The following TAF3 variants were observed in gnomAD, a reference collection of about 807,000 sequenced individuals.
TAF3 encodes TATA-box binding protein associated factor 3.
Under a neutral mutation model 80.6 loss-of-function variants are expected in TAF3, and 7 were observed. That is an observed-to-expected ratio of 0.09 (90% CI 0.05 to 0.16). The LOEUF (loss-of-function observed/expected upper bound fraction) is 0.16, where lower values mean the gene tolerates loss of function less well. Ranked by LOEUF, TAF3 falls within the 10% of genes least tolerant of loss-of-function variation. TAF3 has a pLI of 1.00. For missense variants in TAF3, 921 were observed against 1,140.2 expected, an observed-to-expected ratio of 0.81 and a Z score of 2.77; for synonymous variants, 444 against 446.1, an observed-to-expected ratio of 1.00 and a Z score of 0.06.
rs368355881 is a variant in TAF3 at position 7,954,419 on chromosome 10, C to T, written c.410-9501C>T. Among the ~76,000 whole-genome samples, 241 of 97,484 alleles carry T rather than the reference C, an allele frequency of 2.5e-3. 5 individuals carry two copies. The highest frequency in any genetic ancestry group is 0.011 in the Middle Eastern group (1 of 88). The allele number at this position is 97,484 out of a possible 152,430, so 64.0% of individuals were successfully genotyped here. On this transcript the variant is annotated intron_variant, in intron 2 of 6. Transcript: ENST00000344293. The stretch of plus-strand genomic sequence containing the variant: ...ATGAGTGAATTAGTTCTAGTTAACA[C>T]GAGCTCTCCATAGTGAGATTTAGAG...
Position 7,939,087 on chromosome 10 carries a change from A to G in TAF3, c.410-24833A>G, listed in dbSNP as rs114495065. ...ATGATTGCTCTCCAAGAGTTCAGAA[A>G]CAGGGGTCATCAGGAACTCCAGAAG... is the stretch of plus-strand genomic sequence containing the variant. On this transcript the variant is annotated intron_variant, in intron 2 of 6. Coordinates refer to ENST00000344293, the MANE Select transcript of TAF3 (RefSeq NM_031923.4). 4.9e-3 allele frequency among the ~76,000 whole-genome samples: 752 copies of G among 152,360 alleles called. 5 individuals are homozygous for G. Among genetic ancestry groups the G allele is most frequent in the African/African-American group, 0.016 (686 of 41,590 alleles).
intron 2 of TAF3, chr10:7,833,500 G>A (rs955327937): frequency 1.3e-5 from 2 of 152,218 alleles, no homozygotes; most frequent in Non-Finnish European, 2.9e-5. Context: ...GTCTTATTTT[G>A]AGGAATGTCT....
rs536867339 is a variant in TAF3 at position 7,860,831 on chromosome 10, G to A, written c.409+36271G>A. On this transcript the variant is annotated intron_variant, in intron 2 of 6. Coordinates refer to ENST00000344293, the MANE Select transcript of TAF3 (RefSeq NM_031923.4). ...TTTTTTTTTTTTGAAATAGAGTCTC[G>A]CTCTGTCACCCAGGCTGGAATGCAG... 1.5e-4 allele frequency among the ~76,000 whole-genome samples: 22 copies of A among 143,212 alleles called. No individual in the cohort carries two copies. In the East Asian group the frequency reaches 2.0e-3, roughly 13 times the overall value. The allele number at this position is 143,212 out of a possible 152,430, so 94.0% of individuals were successfully genotyped here. A position where few individuals can be genotyped will look rare whatever the true frequency, so the allele number is the denominator to read the frequency against.
intron 4 of TAF3, among the ~76,000 whole-genome samples, chr10:7,990,770 G>T (rs2131428103): frequency 6.6e-6 from 1 of 152,272 alleles, no homozygotes; most frequent in Non-Finnish European, 1.5e-5. Context: ...GGTGGGAGTG[G>T]AGTGAAGAGG....
chr10:7,830,473 CTTTTTTTTTTTTT>C (rs1176707860), intron 2 of TAF3, among the ~76,000 whole-genome samples: 63 of 57,726 alleles, frequency 1.1e-3, no homozygotes, highest in South Asian at 9.0e-3. Flanking sequence ...CTTTACATGT[CTTTTTTTTTTTTT>C]TTTTTTTTTT....
At chr10:7,912,549 A>G (rs1372328675) in intron 2 of TAF3, among the ~76,000 whole-genome samples, 2 of 152,246 alleles carry the variant, frequency 1.3e-5, no homozygotes, top group African/African-American at 4.8e-5. Context: ...TGTAAAAGTA[A>G]GACTGAAAAG....
intron 3 of TAF3, among the ~76,000 whole-genome samples, chr10:7,974,531 A>G (rs1445598848): frequency 1.3e-5 from 2 of 152,152 alleles, no homozygotes; most frequent in African/African-American, 4.8e-5. Context: ...CACTAAAGAA[A>G]CTGTAGCATG....
intron 2 of TAF3, among the ~76,000 whole-genome samples, chr10:7,963,549 T>G (rs1375955227): frequency 1.3e-5 from 2 of 152,218 alleles, no homozygotes; most frequent in African/African-American, 4.8e-5. Context: ...TTTCCTTTTT[T>G]TTTTAGAAAT....
intron 4 of TAF3, among the ~76,000 whole-genome samples, chr10:7,997,829 A>G (rs899154301): frequency 2.0e-5 from 3 of 152,210 alleles, no homozygotes; most frequent in Admixed American, 6.5e-5. Context: ...GAAGCAAAGC[A>G]CCGTCTAGAA....
chr10:8,011,796 T>G (rs2131443158), intron 5 of TAF3, among the ~76,000 whole-genome samples: 1 of 152,340 alleles, frequency 6.6e-6, no homozygotes, highest in East Asian at 1.9e-4. Context: ...TGTGGCATGT[T>G]CTAGCTCTAA....
intron 2 of TAF3, among the ~76,000 whole-genome samples, chr10:7,863,193 A>T (rs1444564583): frequency 6.6e-6 from 1 of 152,196 alleles, no homozygotes; most frequent in East Asian, 1.9e-4. Context: ...TTGCATTTTC[A>T]TATAAAATTT....
At position 7,951,104 on chromosome 10, in the gene TAF3, T is replaced by C. The variant is rs146632746; in HGVS notation, c.410-12816T>C. Among the ~76,000 whole-genome samples, 459 of 152,334 alleles carry C rather than the reference T, an allele frequency of 3.0e-3. 5 individuals are homozygous for C. Among genetic ancestry groups the C allele is most frequent in the African/African-American group, 0.01 (421 of 41,582 alleles). ...TGAAAATGTTGTGACCAGAGACTTA[T>C]AGGAACCTAACCGTGTATTTCTCTT... On this transcript the variant is annotated intron_variant, in intron 2 of 6. Coordinates refer to ENST00000344293, the MANE Select transcript of TAF3 (RefSeq NM_031923.4).
At chr10:7,894,564 C>G (rs571642162) in intron 2 of TAF3, among the ~76,000 whole-genome samples, 13 of 152,192 alleles carry the variant, frequency 8.5e-5, no homozygotes, top group South Asian at 4.1e-4. Flanking sequence ...TTTAATTGGT[C>G]ATTGTTTGAA....
intron 2 of TAF3, among the ~76,000 whole-genome samples, chr10:7,860,888 C>T (rs1837138418): frequency 6.8e-6 from 1 of 147,908 alleles, no homozygotes. Flanking sequence ...CAACCTCTGC[C>T]TCCTGGGTTC....
In TAF3 at chr10:7,966,892, A is replaced by G. The variant is rs140929212; in HGVS notation, c.2232+1150A>G. Among the ~76,000 whole-genome samples the G allele has an allele frequency of 6.2e-3, 945 of 152,348 alleles. 9 individuals carry two copies. Among genetic ancestry groups the G allele is most frequent in the African/African-American group, 0.021 (888 of 41,570 alleles). On this transcript the variant is annotated intron_variant, in intron 3 of 6. Coordinates refer to ENST00000344293, the MANE Select transcript of TAF3 (RefSeq NM_031923.4). ...AAAAAAGTGAAATGGGAATTCTGAT[A>G]TCAATAACTGAACATTGACAAGTTA...
At chr10:8,007,609 T>TATATAC (rs1491085112) in intron 4 of TAF3, among the ~76,000 whole-genome samples, 1 of 78,192 alleles carries the variant, frequency 1.3e-5, no homozygotes, top group African/African-American at 5.1e-5. Context: ...TATATATATA[T>TATATAC]ACCTTTTTTT....
rs550817262 is a variant in TAF3, at chr10:7,998,191, T to A, written c.2316-10887T>A. The stretch of plus-strand genomic sequence containing the variant: ...AAAAGTTTGTCTTGTCAACACTGAG[T>A]AGCCACTTTAATGTTTTTTCTTTTA... On this transcript the variant is annotated intron_variant, in intron 4 of 6. Coordinates refer to ENST00000344293, the MANE Select transcript of TAF3 (RefSeq NM_031923.4). Among the ~76,000 whole-genome samples, 41 of 149,100 alleles carry A rather than the reference T, an allele frequency of 2.7e-4. No homozygotes were observed. In the South Asian group the frequency reaches 8.6e-3, roughly 31 times the overall value.
chr10:8,006,553 T>TA (rs1289363581), intron 4 of TAF3, among the ~76,000 whole-genome samples: 1 of 152,266 alleles, frequency 6.6e-6, no homozygotes, highest in Non-Finnish European at 1.5e-5. Flanking sequence ...AAGCCTGTGC[T>TA]AAAGTCTCTT....
intron 4 of TAF3, among the ~76,000 whole-genome samples, chr10:7,982,508 C>A (rs947262575): frequency 6.6e-6 from 1 of 152,170 alleles, no homozygotes; most frequent in Non-Finnish European, 1.5e-5. Flanking sequence ...AAGTGATTCT[C>A]CGGCCTAAGC....
Sources: allele counts gnomAD v4.1 joint callset (sites outside exome capture counted in the v4.1 genomes callset), GRCh38; gene constraint gnomAD v4.1.1; transcripts MANE v1.5; gene names NCBI Gene and HGNC (gene_info 2026-07-23, HGNC 2026-07-21).